NXPH1: variants seen among roughly 807,000 people sequenced by gnomAD.
NXPH1 encodes the protein neurexophilin 1, also known as neurexophilin-1.
Under a neutral mutation model 23.7 loss-of-function variants are expected in NXPH1, and 5 were observed. The ratio of observed to expected loss-of-function variants is 0.21; its 90% confidence interval spans 0.11 to 0.44. NXPH1 has a LOEUF of 0.44. Among genes scored for constraint, NXPH1 ranks in the 20% least tolerant of loss-of-function variants. The probability of loss-of-function intolerance (pLI) is 0.99; values close to 1 mark genes in which losing one functional copy is unlikely to be tolerated. For missense variants in NXPH1, 324 were observed against 321.6 expected (o/e 1.01, Z -0.06); for synonymous variants, 144 against 122.2 (o/e 1.18, Z -1.18).
chr7:8,440,242 C>T (rs1451143238), intron 2 of NXPH1, among the ~76,000 whole-genome samples: 1 of 152,228 alleles, frequency 6.6e-6, no homozygotes, highest in Non-Finnish European at 1.5e-5. Flanking sequence ...GTTCAACTTT[C>T]CATTGACCAA....
intron 2 of NXPH1, among the ~76,000 whole-genome samples, chr7:8,460,368 T>C (rs1816672405): frequency 6.6e-6 from 1 of 152,188 alleles, no homozygotes; most frequent in African/African-American, 2.4e-5. Flanking sequence ...TCTTTCCTCG[T>C]CCATTTAGTT....
At chr7:8,737,725 G>A (rs956927271) in intron 2 of NXPH1, among the ~76,000 whole-genome samples, 6 of 152,312 alleles carry the variant, frequency 3.9e-5, no homozygotes, top group African/African-American at 1.2e-4. Flanking sequence ...CCTGAAGAGT[G>A]TTTTCCAACT....
At position 8,435,639 on chromosome 7, in the gene NXPH1, G is replaced by A. The variant is rs572657104; in HGVS notation, c.-75G>A. Reference sequence around the variant, plus strand: ...GCGCTCCTTGCTCTGTAAAGTGGATGTCAGGTGGATCTATGTTTCTGAAGG... The same window carrying A: ...GCGCTCCTTGCTCTGTAAAGTGGATATCAGGTGGATCTATGTTTCTGAAGG... On this transcript the variant is annotated 5_prime_UTR_variant, in exon 2 of 3. The change abolishes an upstream ATG in the 5' untranslated region. Coordinates refer to ENST00000405863, the MANE Select transcript of NXPH1 (RefSeq NM_152745.3). This position sits in a 1 kb window ranked among gnomAD's most constrained non-coding sequence, Gnocchi z 5.9. The A allele has an allele frequency of 7.1e-5, 96 of 1,357,204 alleles. 1 individual carries two copies. In the South Asian group the frequency reaches 1.1e-3, roughly 16 times the overall value. The allele number at this position is 1,357,204 out of a possible 1,614,324, so 84.1% of individuals were successfully genotyped here.
At chr7:8,563,288 A>G (rs1225869160) in intron 2 of NXPH1, among the ~76,000 whole-genome samples, 1 of 151,800 alleles carries the variant, frequency 6.6e-6, no homozygotes, top group African/African-American at 2.4e-5. Context: ...TTAAAAAAGA[A>G]GAAACTGTGT....
At chr7:8,716,980 C>T (rs1779888817) in intron 2 of NXPH1, among the ~76,000 whole-genome samples, 1 of 152,152 alleles carries the variant, frequency 6.6e-6, no homozygotes, top group Non-Finnish European at 1.5e-5. Flanking sequence ...GCTCTGGTGC[C>T]CCAGTACCCA....
intron 2 of NXPH1, among the ~76,000 whole-genome samples, chr7:8,500,361 C>A (rs375220221): frequency 6.6e-6 from 1 of 152,176 alleles, no homozygotes; most frequent in African/African-American, 2.4e-5. Context: ...TGAGAAAAGG[C>A]AGGATATCAG....
In NXPH1 at chr7:8,715,414, A is replaced by G. The variant is rs575203640; in HGVS notation, c.55-35594A>G. The stretch of plus-strand genomic sequence containing the variant: ...AGATACTGGTTTTTGGTTCTTCTGA[A>G]GGTGCTTTTATTGTGTAGATAGTTG... On this transcript the variant is annotated intron_variant, in intron 2 of 2. Transcript: ENST00000405863. Among the ~76,000 whole-genome samples the G allele has an allele frequency of 3.9e-5, 6 of 152,144 alleles. No homozygotes were observed. In the East Asian group the frequency reaches 7.7e-4, roughly 20 times the overall value.
chr7:8,643,634 A>G (rs75826114), intron 2 of NXPH1, among the ~76,000 whole-genome samples: 7,211 of 152,210 alleles, frequency 0.047, 378 homozygotes, highest in East Asian at 0.17. Context: ...TTGAGATAAT[A>G]TATAATACGA....
At chr7:8,477,509 A>G (rs183041265) in intron 2 of NXPH1, among the ~76,000 whole-genome samples, 1 of 152,286 alleles carries the variant, frequency 6.6e-6, no homozygotes, top group African/African-American at 2.4e-5. Context: ...TTGCCTAGCA[A>G]TACATACAAA....
At chr7:8,698,091 A>G (rs985880088) in intron 2 of NXPH1, among the ~76,000 whole-genome samples, 9 of 152,316 alleles carry the variant, frequency 5.9e-5, no homozygotes, top group Admixed American at 1.3e-4. Context: ...AGAGAGCAAG[A>G]GTAGAAGAGG....
At chr7:8,655,404 C>G (rs1273434535) in intron 2 of NXPH1, among the ~76,000 whole-genome samples, 1,265 of 10,856 alleles carry the variant, frequency 0.12, 39 homozygotes, top group East Asian at 0.53. Flanking sequence ...TTGTCTTTCT[C>G]TCTCTCTCTC....
chr7:8,537,518 C>G (rs543315780), intron 2 of NXPH1, among the ~76,000 whole-genome samples: 109 of 152,002 alleles, frequency 7.2e-4, no homozygotes, highest in African/African-American at 2.6e-3. Context: ...CATGAAAACT[C>G]ATTCACTATC....
intron 2 of NXPH1, among the ~76,000 whole-genome samples, chr7:8,692,421 T>A (rs1176049855): frequency 6.6e-6 from 1 of 152,166 alleles, no homozygotes; most frequent in Non-Finnish European, 1.5e-5. Flanking sequence ...GGGTCAAGTT[T>A]TGCTTTGTTG....
intron 2 of NXPH1, among the ~76,000 whole-genome samples, chr7:8,495,647 A>G (rs924556838): frequency 1.9e-4 from 29 of 152,056 alleles, no homozygotes; most frequent in Non-Finnish European, 7.4e-5. Flanking sequence ...GAAGAGAGGC[A>G]TATTATTTTG....
At chr7:8,545,643 C>A (rs550986888) in intron 2 of NXPH1, among the ~76,000 whole-genome samples, 25 of 151,494 alleles carry the variant, frequency 1.7e-4, no homozygotes, top group African/African-American at 6.0e-4. Flanking sequence ...TCAGTTAGGT[C>A]AATTAGTGGT....
intron 2 of NXPH1, among the ~76,000 whole-genome samples, chr7:8,529,286 T>C (rs1817913665): frequency 6.6e-6 from 1 of 152,228 alleles, no homozygotes; most frequent in East Asian, 1.9e-4. Context: ...AAGTCCCTTT[T>C]GCCATGTAAA....
At chr7:8,541,191 A>G (rs912902693) in intron 2 of NXPH1, among the ~76,000 whole-genome samples, 1 of 151,764 alleles carries the variant, frequency 6.6e-6, no homozygotes, top group African/African-American at 2.4e-5. Flanking sequence ...TCTATCCCAT[A>G]TGTTCAAAAA....
At chr7:8,660,827 C>A (rs1820658469) in intron 2 of NXPH1, among the ~76,000 whole-genome samples, 1 of 152,046 alleles carries the variant, frequency 6.6e-6, no homozygotes, top group Non-Finnish European at 1.5e-5. Flanking sequence ...GAAGGTTAAA[C>A]ATTTGATTTT....
intron 2 of NXPH1, among the ~76,000 whole-genome samples, chr7:8,477,271 C>T (rs1257505162): frequency 6.6e-6 from 1 of 152,110 alleles, no homozygotes; most frequent in Non-Finnish European, 1.5e-5. Flanking sequence ...TGCTTGTATA[C>T]ATTGTGTTTT....
Sources: allele counts gnomAD v4.1 joint callset (sites outside exome capture counted in the v4.1 genomes callset), GRCh38; gene constraint gnomAD v4.1.1; non-coding constraint Gnocchi (gnomAD v3.1); transcripts MANE v1.5; gene names NCBI Gene and HGNC (gene_info 2026-07-23, HGNC 2026-07-21).